The following SOD2 variants were observed in gnomAD, a reference collection of about 807,000 sequenced individuals.
SOD2 encodes superoxide dismutase 2, also known as superoxide dismutase [Mn], mitochondrial.
SOD2 carries 11 observed loss-of-function variants against 27.0 expected under a neutral mutation model. The ratio of observed to expected loss-of-function variants is 0.41; its 90% CI spans 0.26 to 0.67. The LOEUF (loss-of-function observed/expected upper bound fraction) is 0.67. Ranked by LOEUF, SOD2 falls within the 30% of genes least tolerant of loss-of-function variation. The pLI, the probability that SOD2 is intolerant of heterozygous loss-of-function variation, is 0.34. For missense variants in SOD2, 250 were observed against 274.5 expected (o/e 0.91, Z 0.63); for synonymous variants, 105 against 103.0 (o/e 1.02, Z -0.12).
intron 1 of SOD2, among the ~76,000 whole-genome samples, chr6:159,737,516 C>G (rs1019695096): frequency 2.0e-5 from 3 of 152,030 alleles, no homozygotes; most frequent in African/African-American, 7.3e-5. Flanking sequence ...TTTTCTGAGA[C>G]AGAGTCTCAC....
chr6:159,749,279 A>G, upstream of SOD2: 1 of 985,786 alleles, frequency 1.0e-6, no homozygotes, highest in Non-Finnish European at 1.2e-6. Flanking sequence ...TTTTTAGTGA[A>G]TTTTATGAAA....
At chr6:159,725,745 T>C (rs1016904896) in intron 1 of SOD2, 2 of 151,666 alleles carry the variant, frequency 1.3e-5, no homozygotes, top group Non-Finnish European at 2.9e-5. Flanking sequence ...CATATACACA[T>C]AAATATTCAT....
rs1777858195 is a variant in SOD2, at chr6:159,712,973, G to A, written c.-116+14156C>T. On this transcript the variant is annotated intron_variant, in intron 1 of 2. Coordinates refer to the SOD2 transcript ENST00000401980. Reference sequence around the variant, plus strand: ...ATTAGCTTTGTCTTTTGCCATAGCTGCCACTGCATCTTCGTGAGCAGCAAA... The same window carrying A: ...ATTAGCTTTGTCTTTTGCCATAGCTACCACTGCATCTTCGTGAGCAGCAAA... 4.9e-6 allele frequency: 3 copies of A among 615,084 alleles called. No individual in the cohort carries two copies. The African/African-American group carries it at 5.6e-5, about 11-fold the overall frequency. The allele number at this position is 615,084 out of a possible 1,614,324, so 38.1% of individuals were successfully genotyped here. A position where few individuals can be genotyped will look rare whatever the true frequency, so the allele number is the denominator to read the frequency against.
At chr6:159,728,941 A>G (rs893036607), upstream of SOD2, among the ~76,000 whole-genome samples, 7 of 152,258 alleles carry the variant, frequency 4.6e-5, no homozygotes, top group South Asian at 4.1e-4. Context: ...AAAAGTAATA[A>G]TAATAGTGTG....
In SOD2 at chr6:159,673,668, T is replaced by A. The variant is rs1779714776; in HGVS notation, c.*8825A>T. The A allele has an allele frequency of 6.6e-6, 1 of 152,114 alleles. No individual in the cohort carries two copies. Among genetic ancestry groups the A allele is most frequent in the Non-Finnish European group, 1.5e-5 (1 of 68,030 alleles). The allele number at this position is 152,114 out of a possible 1,614,324, so 9.4% of individuals were successfully genotyped here. A position where few individuals can be genotyped will look rare whatever the true frequency, so the allele number is the denominator to read the frequency against. ...CAGGAAAGATCTAAAATTGACACTC[T>A]AACATCACAATTAAAAATATTAGAG... On this transcript the variant is annotated 3_prime_UTR_variant, in exon 5 of 5. Transcript: ENST00000538183.
At chr6:159,722,536 G>C (rs749499333) in intron 1 of SOD2, among the ~76,000 whole-genome samples, 1 of 152,126 alleles carries the variant, frequency 6.6e-6, no homozygotes, top group Non-Finnish European at 1.5e-5. Context: ...GTACTAGAGA[G>C]TAGACTTTTA....
intron 1 of SOD2, chr6:159,742,104 G>A (rs558627827): frequency 6.2e-7 from 1 of 1,604,658 alleles, no homozygotes; most frequent in Admixed American, 1.7e-5. Context: ...ACAATATGAA[G>A]CATATGTACA....
At chr6:159,732,232 A>G (rs979507684), upstream of SOD2, among the ~76,000 whole-genome samples, 1 of 152,230 alleles carries the variant, frequency 6.6e-6, no homozygotes, top group African/African-American at 2.4e-5. Context: ...ACCAACTATA[A>G]TAACTTTTAT....
At position 159,670,004 on chromosome 6, in the gene SOD2, A is replaced by T. The variant is rs1360222015; in HGVS notation, c.*12489T>A. On this transcript the variant is annotated 3_prime_UTR_variant, in exon 5 of 5. Transcript: ENST00000538183. ...TTTAAACAAATCTCTTCCCAGGAGA[A>T]TCACTTGTTTTTTGAGAGACAGGAT... is the stretch of plus-strand genomic sequence containing the variant. The T allele has an allele frequency of 6.6e-6, 1 of 152,244 alleles. No individual in the cohort carries two copies. The highest frequency in any genetic ancestry group is 1.5e-5 in the Non-Finnish European group (1 of 68,036). The allele number at this position is 152,244 out of a possible 1,614,324, so 9.4% of individuals were successfully genotyped here.
upstream of SOD2, chr6:159,749,295 G>A (rs546098413): frequency 1.3e-4 from 130 of 985,720 alleles, no homozygotes; most frequent in South Asian, 4.7e-4. Flanking sequence ...TGAAATCCCC[G>A]TTCCATTCAA....
chr6:159,695,332 AGCACCAAACGTT>A (rs1777402308), upstream of SOD2, among the ~76,000 whole-genome samples: 1 of 152,180 alleles, frequency 6.6e-6, no homozygotes, highest in South Asian at 2.1e-4. Context: ...CTTTAGAACA[AGCACCAAACGTT>A]GGGGGCTGGT....
intron 2 of SOD2, among the ~76,000 whole-genome samples, chr6:159,689,669 A>G (rs1327566912): frequency 2.0e-5 from 3 of 152,210 alleles, no homozygotes; most frequent in East Asian, 1.9e-4. Flanking sequence ...CGTTAAGAAC[A>G]TATGTCTGGG....
chr6:159,755,759 T>TC (rs1779984591), intron 1 of SOD2: 2 of 952,332 alleles, frequency 2.1e-6, no homozygotes, highest in Non-Finnish European at 2.6e-6. Context: ...GTTTTTTTTT[T>TC]CTTTTCTTTT....
chr6:159,740,780 T>C (rs1176069758), intron 1 of SOD2, among the ~76,000 whole-genome samples: 19 of 151,310 alleles, frequency 1.3e-4, no homozygotes, highest in African/African-American at 4.4e-4. Flanking sequence ...CTCGGCTCAC[T>C]GCAACCGCCG....
intron 1 of SOD2, among the ~76,000 whole-genome samples, chr6:159,702,383 G>A (rs986545462): frequency 2.0e-5 from 3 of 150,032 alleles, no homozygotes; most frequent in Non-Finnish European, 4.4e-5. Context: ...TGTAACCTCC[G>A]CCTCCCAGGT....
chr6:159,708,007 A>C (rs1777660378), intron 1 of SOD2, among the ~76,000 whole-genome samples: 1 of 152,222 alleles, frequency 6.6e-6, no homozygotes, highest in Non-Finnish European at 1.5e-5. Flanking sequence ...AACAGAACCA[A>C]AGACAAAAAC....
upstream of SOD2, among the ~76,000 whole-genome samples, chr6:159,746,249 G>C (rs1779567111): frequency 6.6e-6 from 1 of 152,188 alleles, no homozygotes; most frequent in Non-Finnish European, 1.5e-5. Context: ...AATTTAAAGA[G>C]TAGAAAGAAT....
intron 1 of SOD2, among the ~76,000 whole-genome samples, chr6:159,734,738 T>G (rs1778800607): frequency 6.6e-6 from 1 of 152,234 alleles, no homozygotes; most frequent in Admixed American, 6.5e-5. Flanking sequence ...ATTTAGATGC[T>G]TTTTCAAAAG....
intron 1 of SOD2, among the ~76,000 whole-genome samples, chr6:159,743,306 C>CA (rs371123089): frequency 3.9e-5 from 6 of 152,360 alleles, no homozygotes; most frequent in South Asian, 2.1e-4. Flanking sequence ...CTCAGCCTCC[C>CA]AAAGTGCTGG....
Sources: gnomAD v4.1 joint callset for allele counts (sites outside exome capture counted in the v4.1 genomes callset) on GRCh38, gnomAD v4.1.1 for gene constraint, MANE v1.5 for transcripts, NCBI Gene and HGNC (gene_info 2026-07-23, HGNC 2026-07-21) for gene names.